Variants in PHF24 observed in about 807,000 individuals in gnomAD.
PHF24 encodes PHD finger protein 24.
A neutral mutation model predicts 42.6 loss-of-function variants in PHF24; 25 were observed. The ratio of observed to expected loss-of-function variants is 0.59; its 90% CI spans 0.43 to 0.82. PHF24 has a LOEUF of 0.82. PHF24 is among the 40% of genes least tolerant of loss of function. The pLI is 0.00. For missense variants in PHF24, 470 were observed against 538.1 expected, an observed-to-expected ratio of 0.87 and a Z score of 1.25; for synonymous variants, 185 against 204.8, an observed-to-expected ratio of 0.90 and a Z score of 0.83.
the PHF24 span, among the ~76,000 whole-genome samples, chr9:34,877,323 A>G: frequency 6.6e-6 from 1 of 152,076 alleles, no homozygotes; most frequent in African/African-American, 2.4e-5. Flanking sequence ...CACGTTCAAC[A>G]TGGATAAACC....
the PHF24 span, chr9:34,835,553 C>T: frequency 1.3e-6 from 2 of 1,551,746 alleles, no homozygotes; most frequent in South Asian, 2.4e-5. Context: ...GTGATGCTGG[C>T]CTTGGTTTCC....
chr9:34,705,128 G>A, the PHF24 span, among the ~76,000 whole-genome samples: 1 of 151,710 alleles, frequency 6.6e-6, no homozygotes, highest in Admixed American at 6.6e-5. Flanking sequence ...TGAATATTCA[G>A]TAAATATGAA....
the PHF24 span, among the ~76,000 whole-genome samples, chr9:34,930,157 T>G: frequency 1.3e-4 from 20 of 152,202 alleles, no homozygotes; most frequent in Non-Finnish European, 2.5e-4. Context: ...AAGCCTGAAG[T>G]TTAATTTCTC....
chr9:34,689,126 G>C, the PHF24 span, among the ~76,000 whole-genome samples: 1 of 152,166 alleles, frequency 6.6e-6, no homozygotes, highest in Non-Finnish European at 1.5e-5. The surrounding 1 kb of genome is among the most constrained non-coding windows in gnomAD (Gnocchi z 4.1). Flanking sequence ...AGGCAGTAGA[G>C]CTGGGCCCTT....
chr9:34,732,141 C>T, the PHF24 span, among the ~76,000 whole-genome samples: 3 of 151,616 alleles, frequency 2.0e-5, no homozygotes, highest in South Asian at 2.1e-4. Context: ...GGGTTACAGG[C>T]GTGAGCCTAT....
At chr9:34,932,083 C>T in the PHF24 span, among the ~76,000 whole-genome samples, 1 of 152,124 alleles carries the variant, frequency 6.6e-6, no homozygotes, top group Non-Finnish European at 1.5e-5. Context: ...CCTGGGGCTC[C>T]TCTCTATCTC....
At chr9:34,916,982 G>A in the PHF24 span, among the ~76,000 whole-genome samples, 1 of 152,162 alleles carries the variant, frequency 6.6e-6, no homozygotes, top group African/African-American at 2.4e-5. Flanking sequence ...ACTGAATTGA[G>A]TAAAAAACTT....
At chr9:34,759,554 C>T in the PHF24 span, among the ~76,000 whole-genome samples, 1 of 152,158 alleles carries the variant, frequency 6.6e-6, no homozygotes, top group South Asian at 2.1e-4. Context: ...CCCTCTTCCT[C>T]GCCAATAAGT....
At chr9:34,840,303 T>G in the PHF24 span, among the ~76,000 whole-genome samples, 1 of 152,294 alleles carries the variant, frequency 6.6e-6, no homozygotes, top group East Asian at 1.9e-4. Context: ...CAGGTTCTTG[T>G]GTATCTTTCC....
the PHF24 span, chr9:34,837,504 A>C: frequency 1.6e-6 from 1 of 609,734 alleles, no homozygotes; most frequent in Non-Finnish European, 2.9e-6. Context: ...TTTCCAAGGT[A>C]AGATTTCCCA....
At chr9:34,792,347 A>G in the PHF24 span, among the ~76,000 whole-genome samples, 1 of 152,208 alleles carries the variant, frequency 6.6e-6, no homozygotes, top group Admixed American at 6.5e-5. Flanking sequence ...AAGGTTGCCC[A>G]GGGATGGGAA....
At chr9:34,972,716 C>A (rs774944558) in intron 3 of PHF24, among the ~76,000 whole-genome samples, 185 bp downstream of exon 3, 7 of 152,082 alleles carry the variant, frequency 4.6e-5, no homozygotes, top group Non-Finnish European at 7.4e-5. Context: ...GAGATTGAGA[C>A]CATCCTGGCC....
chr9:34,829,625 C>A, the PHF24 span, among the ~76,000 whole-genome samples: 3 of 152,204 alleles, frequency 2.0e-5, no homozygotes, highest in Non-Finnish European at 4.4e-5. Context: ...AGATGTAACG[C>A]TTTCTCTGCC....
chr9:34,692,461 G>A, the PHF24 span, among the ~76,000 whole-genome samples: 1 of 152,124 alleles, frequency 6.6e-6, no homozygotes, highest in Non-Finnish European at 1.5e-5. Flanking sequence ...GCATGATTTG[G>A]ACCCAGGTGT....
chr9:34,788,695 T>C, the PHF24 span, among the ~76,000 whole-genome samples: 5 of 152,048 alleles, frequency 3.3e-5, no homozygotes, highest in South Asian at 4.2e-4. Flanking sequence ...ATTGTTAGAG[T>C]AGGCAGATAG....
the PHF24 span, among the ~76,000 whole-genome samples, chr9:34,692,747 G>C: frequency 6.6e-6 from 1 of 151,092 alleles, no homozygotes; most frequent in Non-Finnish European, 1.5e-5. Flanking sequence ...AGAGGCTGAC[G>C]CACAATAAGC....
At chr9:34,980,840 G>A (rs1235059032) in exon 8 of PHF24, 1 of 152,210 alleles carries the variant, frequency 6.6e-6, no homozygotes, top group African/African-American at 2.4e-5. Context: ...GGAAGGCCTG[G>A]GTTATAGACA....
At chr9:34,949,791 C>G in the PHF24 span, among the ~76,000 whole-genome samples, 1 of 151,638 alleles carries the variant, frequency 6.6e-6, no homozygotes, top group African/African-American at 2.4e-5. Flanking sequence ...TAAGTGGGAG[C>G]TGAACAATGA....
chr9:34,799,978 T>G, the PHF24 span, among the ~76,000 whole-genome samples: 1 of 152,056 alleles, frequency 6.6e-6, no homozygotes, highest in Non-Finnish European at 1.5e-5. Flanking sequence ...CAACAGAGAC[T>G]TGGAAGGATG....
Sources: gnomAD v4.1 joint callset for allele counts (sites outside exome capture counted in the v4.1 genomes callset) on GRCh38, gnomAD v4.1.1 for gene constraint, Gnocchi (gnomAD v3.1) non-coding constraint, MANE v1.5 for transcripts, NCBI Gene and HGNC (gene_info 2026-07-23, HGNC 2026-07-21) for gene names.